GABRR3: variants seen among roughly 807,000 people sequenced by gnomAD.
GABRR3 encodes gamma-aminobutyric acid receptor subunit rho-3.
A neutral mutation model predicts 43.2 loss-of-function variants in GABRR3; 29 were observed. The observed-to-expected ratio is 0.67, with a 90% CI of 0.50 to 0.92. The LOEUF (loss-of-function observed/expected upper bound fraction) is 0.92, where lower values mean the gene tolerates loss of function less well. GABRR3 is among the 40% of genes least tolerant of loss of function. The pLI, the probability that GABRR3 is intolerant of heterozygous loss-of-function variation, is 0.00. For synonymous variants in GABRR3, 206 were observed against 195.9 expected, an observed-to-expected ratio of 1.05 and a Z score of -0.43; for missense variants, 576 against 572.3, an observed-to-expected ratio of 1.01 and a Z score of -0.07.
At chr3:98,024,204 C>T (rs1706983391) in intron 3 of GABRR3, among the ~76,000 whole-genome samples, 1 of 151,868 alleles carries the variant, frequency 6.6e-6, no homozygotes, top group South Asian at 2.1e-4. Context: ...CTAAAACATG[C>T]AACAATTAGC....
chr3:97,989,099 G>A (rs1706428088), intron 9 of GABRR3, among the ~76,000 whole-genome samples: 1 of 151,202 alleles, frequency 6.6e-6, no homozygotes, highest in South Asian at 2.1e-4. Context: ...GGTGGATGGT[G>A]GGTGACGGTG....
chr3:98,026,398 A>G (rs1707016419), intron 2 of GABRR3, among the ~76,000 whole-genome samples: 1 of 152,090 alleles, frequency 6.6e-6, no homozygotes, highest in African/African-American at 2.4e-5. Flanking sequence ...ACTGGGAATA[A>G]GGCCCTGTCT....
At chr3:98,029,867 G>A (rs781514093) in intron 2 of GABRR3, among the ~76,000 whole-genome samples, 5 of 152,074 alleles carry the variant, frequency 3.3e-5, no homozygotes, top group Non-Finnish European at 5.9e-5. Context: ...TGTAATCCCA[G>A]CACTTTGGGA....
chr3:97,987,068 A>G (rs1478706584), intron 9 of GABRR3, 86 bp from the exon 10 acceptor site: 2 of 959,216 alleles, frequency 2.1e-6, no homozygotes, highest in Admixed American at 6.2e-5. Flanking sequence ...AAAGTTAAAT[A>G]TGATTTATCA....
At chr3:97,999,395 G>A (rs569993552) in intron 8 of GABRR3, 1 of 152,220 alleles carries the variant, frequency 6.6e-6, no homozygotes, top group East Asian at 1.9e-4. Flanking sequence ...GGTTCCCAAG[G>A]AAAGACTCGG....
chr3:97,986,375 C>T (rs1706387023), downstream of GABRR3, among the ~76,000 whole-genome samples: 1 of 152,098 alleles, frequency 6.6e-6, no homozygotes, highest in Non-Finnish European at 1.5e-5. Flanking sequence ...AGCTTTCTTC[C>T]CTAGTTAAAT....
intron 9 of GABRR3, among the ~76,000 whole-genome samples, chr3:97,991,007 A>C (rs1167251604): frequency 6.6e-6 from 1 of 152,194 alleles, no homozygotes; most frequent in Non-Finnish European, 1.5e-5. Context: ...CCTGAAAAGA[A>C]GTTCTGCATA....
intron 4 of GABRR3, 63 bp from the exon 5 acceptor site, chr3:98,012,630 A>G (rs1706809058): frequency 9.0e-7 from 1 of 1,107,256 alleles, no homozygotes; most frequent in South Asian, 1.3e-5. Context: ...TGACCACTCA[A>G]CACTGTTAGT....
intron 3 of GABRR3, among the ~76,000 whole-genome samples, chr3:98,025,204 T>C (rs1261191409): frequency 1.3e-5 from 2 of 152,150 alleles, no homozygotes; most frequent in East Asian, 3.8e-4. Context: ...TACTAATTCT[T>C]CCCCCAAAGC....
At chr3:98,028,690 T>A (rs1707051680) in intron 2 of GABRR3, among the ~76,000 whole-genome samples, 1 of 152,132 alleles carries the variant, frequency 6.6e-6, no homozygotes, top group Admixed American at 6.5e-5. Flanking sequence ...GGTGAGTAGA[T>A]CAGTTTTAAG....
intron 3 of GABRR3, among the ~76,000 whole-genome samples, chr3:98,020,624 C>G (rs1706930192): frequency 6.6e-6 from 1 of 152,014 alleles, no homozygotes; most frequent in Admixed American, 6.6e-5. Context: ...TAAAACTACC[C>G]TCCAAGGACC....
At chr3:98,019,810 C>T (rs1017442592) in intron 3 of GABRR3, among the ~76,000 whole-genome samples, 3 of 152,052 alleles carry the variant, frequency 2.0e-5, no homozygotes, top group Admixed American at 2.0e-4. Context: ...GTGATCTGCC[C>T]GCCTAGGCCT....
In GABRR3 at chr3:98,012,295, A is replaced by G. The variant is rs769583151; in HGVS notation, c.530+49T>C. 15 of 1,345,760 alleles carry G rather than the reference A, an allele frequency of 1.1e-5. No homozygotes were observed. In the Admixed American group the frequency reaches 2.7e-4, roughly 24 times the overall value. The allele number at this position is 1,345,760 out of a possible 1,614,324, so 83.4% of individuals were successfully genotyped here. A position where few individuals can be genotyped will look rare whatever the true frequency, so the allele number is the denominator to read the frequency against. On this transcript the variant is annotated intron_variant, in intron 5 of 9. Transcript: ENST00000621172. Reference sequence around the variant, plus strand: ...AAATAAGCATCATCAGCTTTGGTGCAGATGGCTGCAGTACAGGGAAGCCAA... The same window carrying G: ...AAATAAGCATCATCAGCTTTGGTGCGGATGGCTGCAGTACAGGGAAGCCAA...
rs1195242697 is a variant in GABRR3 at position 98,017,788 on chromosome 3, CAGAG to C, written c.239-70_239-67del. On this transcript the variant is annotated intron_variant, in intron 3 of 9. Coordinates refer to ENST00000621172, the Ensembl canonical transcript of GABRR3. ...ATAATCATTTTAAAACCATTTAAAA[CAGAG>C]AGATTAATTCTCTTGGACAGCAACT... 9 of 1,141,110 alleles carry C rather than the reference CAGAG, an allele frequency of 7.9e-6. No homozygotes were observed. The African/African-American group carries it at 1.1e-4, about 14-fold the overall frequency. 70.7% of individuals were successfully genotyped at this position (1,141,110 alleles called of 1,614,324 possible).
At chr3:97,996,823 A>G (rs1223950048) in intron 8 of GABRR3, among the ~76,000 whole-genome samples, 1 of 152,228 alleles carries the variant, frequency 6.6e-6, no homozygotes, top group Non-Finnish European at 1.5e-5. Flanking sequence ...CACAGTGAAT[A>G]CTTTTATGCT....
intron 8 of GABRR3, among the ~76,000 whole-genome samples, chr3:97,995,940 G>A (rs370810437): frequency 2.6e-5 from 4 of 152,210 alleles, no homozygotes; most frequent in Admixed American, 2.6e-4. Flanking sequence ...AAAGTGTTAT[G>A]AGAAAATATT....
At chr3:97,997,313 AT>A (rs1392193935) in intron 8 of GABRR3, 1 of 152,208 alleles carries the variant, frequency 6.6e-6, no homozygotes, top group African/African-American at 2.4e-5. Context: ...AGATTCCATA[AT>A]TCCAAAGGCT....
intron 2 of GABRR3, among the ~76,000 whole-genome samples, chr3:98,026,409 C>T (rs1323201834): frequency 6.6e-6 from 1 of 152,146 alleles, no homozygotes; most frequent in Non-Finnish European, 1.5e-5. Flanking sequence ...GGCCCTGTCT[C>T]TCCCTGTGTC....
chr3:98,011,381 C>T (rs990681965), intron 5 of GABRR3, among the ~76,000 whole-genome samples: 2 of 152,146 alleles, frequency 1.3e-5, no homozygotes, highest in African/African-American at 2.4e-5. Context: ...GTCATAAAGG[C>T]CCTTCACTCT....
Sources: gnomAD v4.1 joint callset for allele counts (sites outside exome capture counted in the v4.1 genomes callset) on GRCh38, gnomAD v4.1.1 for gene constraint, MANE v1.5 for transcripts, NCBI Gene and HGNC (gene_info 2026-07-23, HGNC 2026-07-21) for gene names.